SLC6A4: variants seen among roughly 807,000 people sequenced by gnomAD.
The protein encoded by SLC6A4 is solute carrier family 6 member 4, also known as sodium-dependent serotonin transporter.
A neutral mutation model predicts 73.4 loss-of-function variants in SLC6A4; 22 were observed. The ratio of observed to expected loss-of-function variants is 0.30; its 90% confidence interval spans 0.21 to 0.43. The LOEUF (loss-of-function observed/expected upper bound fraction) is 0.43, where lower values mean the gene tolerates loss of function less well. Ranked by LOEUF, SLC6A4 falls within the 20% of genes least tolerant of loss-of-function variation. The pLI, the probability that SLC6A4 is intolerant of heterozygous loss-of-function variation, is 1.00. For missense variants in SLC6A4, 593 were observed against 808.5 expected (o/e 0.73, Z 3.23); for synonymous variants, 270 against 315.5 (o/e 0.86, Z 1.53).
chr17:30,203,585 G>T, intron 13 of SLC6A4: 1 of 462,332 alleles, frequency 2.2e-6, no homozygotes, highest in Non-Finnish European at 4.0e-6. Context: ...ATAGGGGGAT[G>T]TTGCAGCAGC....
intron 1 of SLC6A4, among the ~76,000 whole-genome samples, chr17:30,231,122 T>C (rs1298446564): frequency 6.6e-6 from 1 of 152,108 alleles, no homozygotes; most frequent in Non-Finnish European, 1.5e-5. Context: ...ATAATAGTAT[T>C]GTATCTATCT....
chr17:30,212,669 G>GA, intron 9 of SLC6A4, 71 bp downstream of exon 9: 1 of 1,527,502 alleles, frequency 6.5e-7, no homozygotes, highest in South Asian at 1.2e-5. Context: ...TCAAAAGTTA[G>GA]ATCTTTACAA....
Position 30,216,267 on chromosome 17 carries a change from G to A in SLC6A4, c.838-51C>T, listed in dbSNP as rs756478200. The A allele has an allele frequency of 6.3e-5, 45 of 716,502 alleles. 2 individuals carry two copies. Among genetic ancestry groups the A allele is most frequent in the Admixed American group, 1.4e-4 (5 of 34,646 alleles). 44.4% of individuals were successfully genotyped at this position (716,502 alleles called of 1,614,324 possible). A position where few individuals can be genotyped will look rare whatever the true frequency, so the allele number is the denominator to read the frequency against. On this transcript the variant is annotated intron_variant, in intron 6 of 14. Transcript: ENST00000650711. The stretch of plus-strand genomic sequence containing the variant: ...TGCTGTTCCAGGGAGGGGAGGGGAG[G>A]GGAGGGGAGAAGGAGAAGGGAGCGG...
rs189342404 is a variant in SLC6A4 at position 30,210,501 on chromosome 17, G to A, written c.1449+14C>T. ...AGGGGAGGCCAACTCAAAGCTGAGG[G>A]GCATGATACTCACAAAAGTCAGGGT... On this transcript the variant is annotated intron_variant, in intron 11 of 14. Transcript: ENST00000650711. 1.2e-6 allele frequency: 2 copies of A among 1,610,648 alleles called. No homozygotes were observed. The highest frequency in any genetic ancestry group is 3.4e-5 in the Admixed American group (2 of 59,700).
chr17:30,213,034 C>T (rs1170405521), intron 8 of SLC6A4, among the ~76,000 whole-genome samples, 167 bp from the exon 9 acceptor site: 1 of 152,244 alleles, frequency 6.6e-6, no homozygotes, highest in African/African-American at 2.4e-5. Flanking sequence ...CGCCTTCTCC[C>T]AGAACCCAGC....
chr17:30,224,068 C>T (rs1437585313), intron 1 of SLC6A4, among the ~76,000 whole-genome samples: 1 of 152,198 alleles, frequency 6.6e-6, no homozygotes, highest in African/African-American at 2.4e-5. Flanking sequence ...GTACTTCCCT[C>T]CGGCCTATAT....
intron 12 of SLC6A4, among the ~76,000 whole-genome samples, chr17:30,208,864 T>C (rs1455030324): frequency 6.6e-6 from 1 of 151,514 alleles, no homozygotes; most frequent in Non-Finnish European, 1.5e-5. Context: ...GCTAATTTTT[T>C]TTTTTTTTTG....
At chr17:30,217,813 T>C (rs1002849885) in intron 5 of SLC6A4, among the ~76,000 whole-genome samples, 1 of 152,186 alleles carries the variant, frequency 6.6e-6, no homozygotes, top group Non-Finnish European at 1.5e-5. Context: ...TCCATGACAT[T>C]TGGCTGAGAG....
At chr17:30,231,159 C>T (rs944403298) in intron 1 of SLC6A4, among the ~76,000 whole-genome samples, 1 of 152,066 alleles carries the variant, frequency 6.6e-6, no homozygotes, top group East Asian at 1.9e-4. Flanking sequence ...GAAAATGGCG[C>T]TGTGGTTACG....
chr17:30,209,441 G>A (rs1418413634), intron 11 of SLC6A4, among the ~76,000 whole-genome samples, 199 bp from the exon 12 acceptor site: 3 of 152,164 alleles, frequency 2.0e-5, no homozygotes, highest in Non-Finnish European at 4.4e-5. Flanking sequence ...GGAGGCTGAG[G>A]CGGGCGTATC....
chr17:30,201,894 G>A (rs1253523412), intron 14 of SLC6A4, among the ~76,000 whole-genome samples: 1 of 152,194 alleles, frequency 6.6e-6, no homozygotes, highest in African/African-American at 2.4e-5. Context: ...ATTGAGCTCA[G>A]GAGTTTGAGA....
intron 3 of SLC6A4, among the ~76,000 whole-genome samples, chr17:30,220,630 CT>C (rs1345836366): frequency 1.3e-5 from 2 of 152,214 alleles, no homozygotes; most frequent in Non-Finnish European, 2.9e-5. Flanking sequence ...CGCTGATGCC[CT>C]TCTCTGACCT....
At chr17:30,223,471 A>T (rs1443256499) in intron 1 of SLC6A4, among the ~76,000 whole-genome samples, 1 of 152,234 alleles carries the variant, frequency 6.6e-6, no homozygotes, top group Admixed American at 6.5e-5. Context: ...AAATCAGGAC[A>T]CAAAATAGTA....
chr17:30,199,049 C>T (rs1440753757), intron 14 of SLC6A4, among the ~76,000 whole-genome samples: 1 of 152,144 alleles, frequency 6.6e-6, no homozygotes, highest in Non-Finnish European at 1.5e-5. Context: ...TAAAGCAATA[C>T]TGGTTAGTTC....
intron 4 of SLC6A4, 145 bp downstream of exon 4, chr17:30,218,652 A>T (rs1248889908): frequency 1.3e-6 from 1 of 797,500 alleles, no homozygotes; most frequent in Non-Finnish European, 2.1e-6. Context: ...CCACTTACGC[A>T]GTCAAAACCT....
chr17:30,230,098 G>GAAGAAGAA (rs1555591454), intron 1 of SLC6A4, among the ~76,000 whole-genome samples: 1,662 of 89,412 alleles, frequency 0.019, 31 homozygotes, highest in African/African-American at 0.038. Context: ...AAGAAGAAGA[G>GAAGAAGAA]GAGGAAGAGG....
rs543709014 is a variant in SLC6A4, at chr17:30,230,799, C to T, written c.-221+4814G>A. Among the ~76,000 whole-genome samples the T allele has an allele frequency of 1.1e-4, 17 of 152,052 alleles. No individual in the cohort carries two copies. The East Asian group carries it at 3.1e-3, about 28-fold the overall frequency. ...GGTGCATCCAGGTGGAGAGGGGGCG[C>T]GGAGGACACGTGCAACCACCTCTTC... On this transcript the variant is annotated intron_variant, in intron 1 of 14. Transcript: ENST00000650711.
chr17:30,209,513 G>C (rs1906318476), intron 11 of SLC6A4, among the ~76,000 whole-genome samples: 1 of 152,120 alleles, frequency 6.6e-6, no homozygotes, highest in Non-Finnish European at 1.5e-5. Context: ...CAGGCGTGGT[G>C]GCACACGCCT....
intron 5 of SLC6A4, 108 bp downstream of exon 5, chr17:30,218,010 C>A (rs1906634189): frequency 2.5e-6 from 2 of 805,838 alleles, no homozygotes; most frequent in East Asian, 2.6e-5. Flanking sequence ...AGCTTCATCT[C>A]TCAGAAAGGG....
Sources: gnomAD v4.1 joint callset for allele counts (sites outside exome capture counted in the v4.1 genomes callset) on GRCh38, gnomAD v4.1.1 for gene constraint, MANE v1.5 for transcripts, NCBI Gene and HGNC (gene_info 2026-07-23, HGNC 2026-07-21) for gene names.